The following ALDH2 variants were observed in gnomAD, a reference collection of about 807,000 sequenced individuals.
ALDH2 encodes aldehyde dehydrogenase 2 family member.
ALDH2 carries 44 observed loss-of-function variants against 59.6 expected under a neutral mutation model. The ratio of observed to expected loss-of-function variants is 0.74; its 90% CI spans 0.58 to 0.95. The LOEUF is 0.95. ALDH2 is among the 40% of genes least tolerant of loss of function. The probability of loss-of-function intolerance (pLI) is 0.00; values close to 1 mark genes in which losing one functional copy is unlikely to be tolerated. For synonymous variants in ALDH2, 291 were observed against 284.0 expected, an observed-to-expected ratio of 1.02 and a Z score of -0.25; for missense variants, 570 against 696.3, an observed-to-expected ratio of 0.82 and a Z score of 2.04.
chr12:111,808,022 G>A (rs944003860), intron 12 of ALDH2, among the ~76,000 whole-genome samples: 12 of 151,806 alleles, frequency 7.9e-5, no homozygotes, highest in East Asian at 5.8e-4. Flanking sequence ...GATTACAGGC[G>A]CCTGCCACCA....
At chr12:111,804,853 A>G (rs1190906448) in intron 12 of ALDH2, among the ~76,000 whole-genome samples, 1 of 152,220 alleles carries the variant, frequency 6.6e-6, no homozygotes, top group African/African-American at 2.4e-5. Flanking sequence ...AACATAAGCT[A>G]TTAGGCATGA....
In ALDH2 at chr12:111,775,629, G is replaced by A. The variant is rs545004870; in HGVS notation, c.115-6289G>A. The A allele has an allele frequency of 8.6e-4, 392 of 455,534 alleles. 1 individual carries two copies. Among genetic ancestry groups the A allele is most frequent in the Non-Finnish European group, 1.5e-3 (340 of 226,520 alleles). 28.2% of individuals were successfully genotyped at this position (455,534 alleles called of 1,614,324 possible). On this transcript the variant is annotated intron_variant, in intron 1 of 12. Coordinates refer to ENST00000261733, the MANE Select transcript of ALDH2 (RefSeq NM_000690.4). ...GTCTAGATTGAAAATGTCAACTCCA[G>A]ACATCACTGTGCTTCTGGAAACTAT...
chr12:111,785,860 CT>C (rs1400513071), intron 4 of ALDH2, among the ~76,000 whole-genome samples: 2 of 152,204 alleles, frequency 1.3e-5, no homozygotes, highest in Non-Finnish European at 2.9e-5. Flanking sequence ...TAAATGCTTT[CT>C]TTTGTTCTTG....
intron 1 of ALDH2, among the ~76,000 whole-genome samples, chr12:111,778,643 C>T (rs1862373636): frequency 6.6e-6 from 1 of 151,236 alleles, no homozygotes; most frequent in African/African-American, 2.4e-5. Context: ...ACCATCTTGG[C>T]TAACTCGGTG....
In ALDH2 at chr12:111,815,651, T is replaced by C. The variant is rs914650479; in HGVS notation, c.*6076T>C. The C allele has an allele frequency of 6.6e-6, 1 of 152,092 alleles. No homozygotes were observed. The highest frequency in any genetic ancestry group is 2.4e-5 in the African/African-American group (1 of 41,394). The allele number at this position is 152,092 out of a possible 1,614,324, so 9.4% of individuals were successfully genotyped here. ...ATAACCTGAGAGTCTAATGGCTTAT[T>C]TTTTGTAGAGATGGGGTCTCACTGT... On this transcript the variant is annotated 3_prime_UTR_variant, in exon 13 of 13. Coordinates refer to ENST00000261733, the MANE Select transcript of ALDH2 (RefSeq NM_000690.4).
At chr12:111,791,482 G>T in intron 7 of ALDH2, 63 bp downstream of exon 7, 1 of 1,276,852 alleles carries the variant, frequency 7.8e-7, no homozygotes, top group Non-Finnish European at 1.1e-6. Flanking sequence ...GTCCTCAGTG[G>T]ACGACATGCT....
At chr12:111,767,141 C>T (rs567143183) in intron 1 of ALDH2, 45 bp downstream of exon 1, 3 of 1,392,640 alleles carry the variant, frequency 2.2e-6, no homozygotes, top group Non-Finnish European at 2.8e-6. Context: ...CGGCCCGAGT[C>T]CCCCGCAGGC....
chr12:111,782,531 G>A (rs2068279615), intron 2 of ALDH2, among the ~76,000 whole-genome samples: 1 of 151,502 alleles, frequency 6.6e-6, no homozygotes, highest in South Asian at 2.1e-4. Context: ...ACCAGCCCGG[G>A]GAAACATAGT....
intron 4 of ALDH2, among the ~76,000 whole-genome samples, chr12:111,787,828 G>A (rs1031044806): frequency 1.3e-4 from 20 of 151,922 alleles, no homozygotes; most frequent in Non-Finnish European, 1.9e-4. Flanking sequence ...TCAGGAAATC[G>A]AGACCATCCT....
At chr12:111,776,137 T>A (rs1218838890) in intron 1 of ALDH2, among the ~76,000 whole-genome samples, 3 of 152,074 alleles carry the variant, frequency 2.0e-5, no homozygotes, top group Non-Finnish European at 2.9e-5. Context: ...GTGGGGCTGG[T>A]GGGGTTTTAG....
intron 12 of ALDH2, among the ~76,000 whole-genome samples, chr12:111,806,455 G>A (rs1050217123): frequency 6.6e-6 from 1 of 152,222 alleles, no homozygotes; most frequent in African/African-American, 2.4e-5. Context: ...AATGGGTTGA[G>A]CTAGCCTTTC....
intron 9 of ALDH2, among the ~76,000 whole-genome samples, chr12:111,795,655 G>A (rs1341876138): frequency 6.9e-6 from 1 of 145,066 alleles, no homozygotes; most frequent in Non-Finnish European, 1.5e-5. Context: ...ACAGTGGCAC[G>A]ATCTCGGCTC....
chr12:111,771,612 T>C (rs2068200482), intron 1 of ALDH2, among the ~76,000 whole-genome samples: 1 of 152,204 alleles, frequency 6.6e-6, no homozygotes, highest in Non-Finnish European at 1.5e-5. Context: ...TCCAGCACTC[T>C]ACACCATATG....
chr12:111,775,705 C>T (rs970114378), intron 1 of ALDH2: 12 of 455,380 alleles, frequency 2.6e-5, no homozygotes, highest in East Asian at 1.4e-4. Flanking sequence ...CGCCCAAGAG[C>T]GTTTACGTGT....
At chr12:111,801,209 G>A (rs545216000) in intron 11 of ALDH2, among the ~76,000 whole-genome samples, 122 of 152,296 alleles carry the variant, frequency 8.0e-4, no homozygotes, top group African/African-American at 2.3e-3. Context: ...AAAACCATCA[G>A]ATCTTGTGAG....
intron 4 of ALDH2, among the ~76,000 whole-genome samples, chr12:111,789,139 T>C (rs1004576126): frequency 1.2e-4 from 17 of 147,344 alleles, no homozygotes; most frequent in Non-Finnish European, 1.6e-4. Context: ...TGCCTCAGCC[T>C]CCCGAGGTGC....
chr12:111,781,528 C>T (rs1452478618), intron 1 of ALDH2, among the ~76,000 whole-genome samples: 2 of 152,208 alleles, frequency 1.3e-5, no homozygotes, highest in Non-Finnish European at 2.9e-5. Context: ...TTGGCCCCAG[C>T]TGTCCTCACA....
At position 111,783,297 on chromosome 12, in the gene ALDH2, C is replaced by T. The variant is rs1357957696; in HGVS notation, c.359C>T (p.Ala120Val). Residue 120 changes from alanine to valine, a missense_variant and splice_region_variant, in exon 3 of 13, where the codon GCG becomes GTG. Transcript: ENST00000261733. The stretch of plus-strand genomic sequence containing the variant: ...ATCGAGCGGGACCGGACCTACCTGG[C>T]GGTGAGTCCTCAGCCCTTCTCCCCC... Reference protein sequence around the residue: ...DLIERDRTYLAALETLDNGKP... With the variant: ...DLIERDRTYLVALETLDNGKP... 5.0e-6 allele frequency: 8 copies of T among 1,603,256 alleles called. No homozygotes were observed. The highest frequency in any genetic ancestry group is 1.3e-5 in the African/African-American group (1 of 74,740).
At chr12:111,804,542 GT>G (rs1224481007) in intron 12 of ALDH2, among the ~76,000 whole-genome samples, 1 of 152,216 alleles carries the variant, frequency 6.6e-6, no homozygotes, top group Admixed American at 6.5e-5. Context: ...GAGGTCAGGA[GT>G]TTGAGACCAG....
Sources: gnomAD v4.1 joint callset for allele counts (sites outside exome capture counted in the v4.1 genomes callset) on GRCh38, gnomAD v4.1.1 for gene constraint, MANE v1.5 for transcripts, NCBI Gene and HGNC (gene_info 2026-07-23, HGNC 2026-07-21) for gene names.